MTHFD1: variants seen among roughly 807,000 people sequenced by gnomAD.
MTHFD1 encodes methylenetetrahydrofolate dehydrogenase, cyclohydrolase and formyltetrahydrofolate synthetase 1.
In MTHFD1, 44 loss-of-function variants were observed where a neutral mutation model predicts 110.3. The ratio of observed to expected loss-of-function variants is 0.40; its 90% confidence interval spans 0.31 to 0.51. MTHFD1 has a LOEUF of 0.51. Ranked by LOEUF, MTHFD1 falls within the 20% of genes least tolerant of loss-of-function variation. The pLI, the probability that MTHFD1 is intolerant of heterozygous loss-of-function variation, is 0.60. For synonymous variants in MTHFD1, 402 were observed against 428.8 expected, an observed-to-expected ratio of 0.94 and a Z score of 0.77; for missense variants, 909 against 1,173.1, an observed-to-expected ratio of 0.77 and a Z score of 3.29.
intron 1 of MTHFD1, among the ~76,000 whole-genome samples, chr14:64,392,080 C>T (rs534515337): frequency 3.5e-4 from 54 of 152,280 alleles, no homozygotes; most frequent in African/African-American, 9.6e-4. Flanking sequence ...AAGTGACTTA[C>T]GGGCAAAGAC....
At chr14:64,446,416 C>T (rs2078289543) in intron 22 of MTHFD1, among the ~76,000 whole-genome samples, 1 of 152,146 alleles carries the variant, frequency 6.6e-6, no homozygotes, top group Admixed American at 6.6e-5. Flanking sequence ...GGCCCAGTCC[C>T]CCTTGGAGGA....
At chr14:64,447,273 A>G (rs531693854) in intron 22 of MTHFD1, among the ~76,000 whole-genome samples, 161 of 147,006 alleles carry the variant, frequency 1.1e-3, no homozygotes, top group Non-Finnish European at 1.8e-3. Flanking sequence ...CTCCTCCCTC[A>G]GCCTCCCAAG....
chr14:64,420,841 C>T (rs938005613), intron 8 of MTHFD1, among the ~76,000 whole-genome samples: 3 of 152,208 alleles, frequency 2.0e-5, no homozygotes, highest in Non-Finnish European at 4.4e-5. Flanking sequence ...GGACCACTTT[C>T]CCTTCCCTGC....
Position 64,419,754 on chromosome 14 carries a change from G to GT in MTHFD1, c.616-51dup, listed in dbSNP as rs550983209. 3,162 of 1,081,890 alleles carry GT rather than the reference G, an allele frequency of 2.9e-3. 4 individuals are homozygous for GT. Among genetic ancestry groups the GT allele is most frequent in the Non-Finnish European group, 2.7e-3 (1,926 of 702,804 alleles). The allele number at this position is 1,081,890 out of a possible 1,614,324, so 67.0% of individuals were successfully genotyped here. A position where few individuals can be genotyped will look rare whatever the true frequency, so the allele number is the denominator to read the frequency against. On this transcript the variant is annotated intron_variant, in intron 7 of 27. Coordinates refer to ENST00000652337, the MANE Select transcript of MTHFD1 (RefSeq NM_005956.4). ...TCAGGGATATCCTTTTCATTTCTGG[G>GT]TTTTTTTTTGGTGTGTATTTCATTA... is the stretch of plus-strand genomic sequence containing the variant.
rs921764312 is a variant in MTHFD1, at chr14:64,417,260, T to G, written c.479-628T>G. Among the ~76,000 whole-genome samples, 2 of 152,206 alleles carry G rather than the reference T, an allele frequency of 1.3e-5. No homozygotes were observed. The highest frequency in any genetic ancestry group is 1.5e-5 in the Non-Finnish European group (1 of 68,026). ...GGGTACTCACTCAGGCTGTCTTTAG[T>G]AGAGTATGAGTCAGCCCTGAAAAGG... On this transcript the variant is annotated intron_variant, in intron 6 of 27. Transcript: ENST00000652337. The surrounding 1 kb of genome is among the most constrained non-coding windows in gnomAD (Gnocchi z 4.4).
chr14:64,459,628 C>A, intron 27 of MTHFD1, 131 bp from the exon 28 acceptor site: 1 of 722,196 alleles, frequency 1.4e-6, no homozygotes, highest in Non-Finnish European at 2.2e-6. Context: ...CCTAGAAGAG[C>A]TGGTGGCAGG....
intron 23 of MTHFD1, 88 bp downstream of exon 23, chr14:64,448,405 T>C: frequency 9.6e-7 from 1 of 1,042,372 alleles, no homozygotes; most frequent in Non-Finnish European, 1.5e-6. Flanking sequence ...TATTTTGTTT[T>C]TCAGTTACTG....
intron 24 of MTHFD1, 86 bp downstream of exon 24, chr14:64,449,708 A>C (rs10138064): frequency 6.7e-7 from 1 of 1,481,886 alleles, no homozygotes; most frequent in African/African-American, 1.4e-5. Context: ...TTAGAGCCCC[A>C]TGCTTCGCAG....
intron 8 of MTHFD1, among the ~76,000 whole-genome samples, chr14:64,420,471 A>G (rs1052918851): frequency 1.3e-5 from 2 of 152,120 alleles, no homozygotes; most frequent in African/African-American, 4.8e-5. Flanking sequence ...TAGTATCACC[A>G]TTCTTCCTTC....
At chr14:64,432,952 G>A (rs563659870) in intron 15 of MTHFD1, among the ~76,000 whole-genome samples, 4 of 152,098 alleles carry the variant, frequency 2.6e-5, no homozygotes, top group Admixed American at 6.6e-5. Flanking sequence ...TGTAGAGACC[G>A]TGTCTCACCA....
chr14:64,393,522 G>A lies in MTHFD1; in HGVS notation c.41+5054G>A, dbSNP rs183344742. Among the ~76,000 whole-genome samples, 94 of 152,344 alleles carry A rather than the reference G, an allele frequency of 6.2e-4. No homozygotes were observed. The East Asian group carries it at 0.01, about 16-fold the overall frequency. The stretch of plus-strand genomic sequence containing the variant: ...ATTGATTCTGGAAGCCTGTGCAGGA[G>A]AGGTCGGAGTTCCAGAGAGGCTGGG... On this transcript the variant is annotated intron_variant, in intron 1 of 27. Coordinates refer to ENST00000652337, the MANE Select transcript of MTHFD1 (RefSeq NM_005956.4).
intron 27 of MTHFD1, among the ~76,000 whole-genome samples, chr14:64,458,991 A>G (rs1487109869): frequency 6.6e-6 from 1 of 152,206 alleles, no homozygotes; most frequent in Non-Finnish European, 1.5e-5. Flanking sequence ...TCCAGAGACG[A>G]AAAAAGTGGC....
chr14:64,397,172 TATATATATATATATATATA>T (rs1210728940), intron 1 of MTHFD1, among the ~76,000 whole-genome samples: 5 of 22,232 alleles, frequency 2.2e-4, no homozygotes, highest in African/African-American at 2.5e-4. Flanking sequence ...TATATATATA[TATATATATATATATATATA>T]AAAAACAGTA....
chr14:64,444,329 C>T (rs761632262), intron 21 of MTHFD1, among the ~76,000 whole-genome samples: 4 of 151,722 alleles, frequency 2.6e-5, no homozygotes, highest in Non-Finnish European at 5.9e-5. Context: ...GGGTGACTTC[C>T]GCAGGCCCGA....
chr14:64,436,305 A>G (rs2078205794), intron 16 of MTHFD1, among the ~76,000 whole-genome samples: 1 of 152,206 alleles, frequency 6.6e-6, no homozygotes, highest in South Asian at 2.1e-4. Flanking sequence ...CATGTTAGCT[A>G]GGATGGTCTC....
chr14:64,443,943 A>G (rs561946616), intron 21 of MTHFD1, among the ~76,000 whole-genome samples: 1 of 152,198 alleles, frequency 6.6e-6, no homozygotes, highest in South Asian at 2.1e-4. Context: ...GCCTCCACAC[A>G]GCCCCTTCTG....
In MTHFD1 at chr14:64,417,368, C is replaced by T. The variant is rs2078032513; in HGVS notation, c.479-520C>T. Among the ~76,000 whole-genome samples, 2 of 152,350 alleles carry T rather than the reference C, an allele frequency of 1.3e-5. No individual in the cohort carries two copies. The highest frequency in any genetic ancestry group is 1.3e-4 in the Admixed American group (2 of 15,304). ...CCACAGTTCAATTTCCCCTTTATCACTTCCCTGCAAGTAACCCTATGGCTC... is the reference window on the plus strand; with the variant it reads ...CCACAGTTCAATTTCCCCTTTATCATTTCCCTGCAAGTAACCCTATGGCTC... On this transcript the variant is annotated intron_variant, in intron 6 of 27. Coordinates refer to ENST00000652337, the MANE Select transcript of MTHFD1 (RefSeq NM_005956.4). This position sits in a 1 kb window ranked among gnomAD's most constrained non-coding sequence, Gnocchi z 4.4.
At chr14:64,407,503 C>T (rs867712844) in intron 2 of MTHFD1, among the ~76,000 whole-genome samples, 16 of 149,242 alleles carry the variant, frequency 1.1e-4, no homozygotes, top group African/African-American at 3.9e-4. Flanking sequence ...GATAGAAATA[C>T]AGCCTCAGCC....
In MTHFD1 at chr14:64,424,899, G is replaced by A. The variant is rs556906968; in HGVS notation, c.823G>A (p.Val275Ile). 44 of 1,614,220 alleles carry A rather than the reference G, an allele frequency of 2.7e-5. No homozygotes were observed. In the African/African-American group the frequency reaches 4.5e-4, roughly 17 times the overall value. ...CTTCATCACTCCTGTTCCTGGCGGC[G>A]TAGGGCCCATGACAGTTGCAATGCT... ...ASFITPVPGG[V>I]GPMTVAMLMQ... The change falls in exon 9 of 28, where the codon GTA (valine) becomes ATA (isoleucine). Residue 275 changes from valine (V) to isoleucine (I), a missense_variant. Physicochemically the swap from Val to Ile is conservative, Grantham distance 29. This residue lies in a region of MTHFD1 where 424 missense variants were observed against 510.4 expected (regional missense o/e 0.83). Coordinates refer to ENST00000652337, the MANE Select transcript of MTHFD1 (RefSeq NM_005956.4).
Sources: allele counts gnomAD v4.1 joint callset (sites outside exome capture counted in the v4.1 genomes callset), GRCh38; gene constraint gnomAD v4.1.1; regional missense constraint gnomAD v4.1.1; non-coding constraint Gnocchi (gnomAD v3.1); transcripts MANE v1.5; gene names NCBI Gene and HGNC (gene_info 2026-07-23, HGNC 2026-07-21).